The following COL18A1 variants were observed in gnomAD, a reference collection of about 807,000 sequenced individuals.
COL18A1 encodes the protein collagen alpha-1(XVIII) chain.
COL18A1 carries 133 observed loss-of-function variants against 168.0 expected under a neutral mutation model. That is an observed-to-expected ratio of 0.79 (90% confidence interval 0.69 to 0.91). The LOEUF (loss-of-function observed/expected upper bound fraction) is 0.91. Ranked by LOEUF, COL18A1 falls within the 40% of genes least tolerant of loss-of-function variation. COL18A1 has a pLI of 0.00. For synonymous variants in COL18A1, 949 were observed against 809.0 expected (o/e 1.17, Z -2.94); for missense variants, 2,126 against 1,925.4 (o/e 1.10, Z -1.95).
chr21:45,484,674 GTATC>G (rs1168221769), intron 15 of COL18A1, among the ~76,000 whole-genome samples: 2 of 151,244 alleles, frequency 1.3e-5, no homozygotes, highest in African/African-American at 2.4e-5. Flanking sequence ...ACACACACAT[GTATC>G]TAGGTATGTG....
At chr21:45,488,590 C>A in intron 18 of COL18A1, 146 bp downstream of exon 18, 4 of 1,157,996 alleles carry the variant, frequency 3.5e-6, no homozygotes, top group Admixed American at 4.0e-5. Flanking sequence ...CAAAATACAG[C>A]AAAAAAGCCT....
intron 37 of COL18A1, chr21:45,506,508 C>G (rs749176293): frequency 4.0e-5 from 8 of 200,756 alleles, no homozygotes; most frequent in Non-Finnish European, 2.1e-5. Flanking sequence ...CCCTTTCCTG[C>G]TTTCCCAAAA....
At chr21:45,412,641 G>A (rs943344776) in intron 2 of COL18A1, among the ~76,000 whole-genome samples, 1 of 152,288 alleles carries the variant, frequency 6.6e-6, no homozygotes, top group Admixed American at 6.5e-5. Context: ...AGGGGCCTGC[G>A]GCCCAGGCAC....
chr21:45,414,898 C>T (rs553675100), intron 2 of COL18A1, among the ~76,000 whole-genome samples: 14 of 152,200 alleles, frequency 9.2e-5, no homozygotes, highest in African/African-American at 1.9e-4. Flanking sequence ...AGGTGGGCCC[C>T]ACGTCATTAC....
chr21:45,432,923 G>A (rs947284421), intron 2 of COL18A1, among the ~76,000 whole-genome samples: 3 of 152,202 alleles, frequency 2.0e-5, no homozygotes, highest in Non-Finnish European at 4.4e-5. Flanking sequence ...CAACCCCTCC[G>A]GCAGAGTTAT....
At chr21:45,497,191 T>G in intron 31 of COL18A1, 99 bp downstream of exon 31, 1 of 838,050 alleles carries the variant, frequency 1.2e-6, no homozygotes, top group South Asian at 1.3e-5. Context: ...ACTCCCCCAG[T>G]GGCCCAAGGC....
chr21:45,493,760 C>T, intron 26 of COL18A1, 185 bp downstream of exon 26: 1 of 601,570 alleles, frequency 1.7e-6, no homozygotes, highest in Non-Finnish European at 2.9e-6. Context: ...GTTCCGCCGG[C>T]CCCTCGTCCT....
In COL18A1 at chr21:45,418,877, G is replaced by A. The variant is rs559431981; in HGVS notation, c.106+13404G>A. ...ATACACACCCTCTAGAGGGGCTTGT[G>A]TCATGTGGAACCAGCCAGACCCCCC... is the stretch of plus-strand genomic sequence containing the variant. On this transcript the variant is annotated intron_variant, in intron 2 of 41. Transcript: ENST00000651438. Among the ~76,000 whole-genome samples, 301 of 152,332 alleles carry A rather than the reference G, an allele frequency of 2.0e-3. 1 individual carries two copies. Among genetic ancestry groups the A allele is most frequent in the African/African-American group, 6.8e-3 (281 of 41,562 alleles).
chr21:45,505,284 T>G lies in COL18A1; in HGVS notation c.3013+6T>G, dbSNP rs1167586883. 2 of 1,607,246 alleles carry G rather than the reference T, an allele frequency of 1.2e-6. No homozygotes were observed. Among genetic ancestry groups the G allele is most frequent in the African/African-American group, 2.7e-5 (2 of 74,578 alleles). The stretch of plus-strand genomic sequence containing the variant: ...TCCTGGCCCTCACAGGCAGAGTAAG[T>G]CAGTGGGGAGTGGGCCCCGGGCAGA... On this transcript the variant is annotated splice_donor_region_variant and intron_variant, in intron 35 of 41. Coordinates refer to ENST00000651438, the MANE Select transcript of COL18A1 (RefSeq NM_001379500.1).
Position 45,480,132 on chromosome 21 carries a change from A to G in COL18A1, c.1374A>G (p.Gly458=). ...PGPQGPPGPP[G]PSFRHDKLTF... ...CCCAAGGGCCTCCAGGGCCCCCAGG[A>G]CCCTCCTTCAGACACGACAAGCTGG... Residue 458 remains glycine (G), a synonymous_variant, in exon 11 of 42, where the codon GGA becomes GGG. Coordinates refer to ENST00000651438, the MANE Select transcript of COL18A1 (RefSeq NM_001379500.1). The G allele has an allele frequency of 6.3e-7, 1 of 1,592,848 alleles. No homozygotes were observed. The highest frequency in any genetic ancestry group is 8.6e-7 in the Non-Finnish European group (1 of 1,161,884).
intron 3 of COL18A1, among the ~76,000 whole-genome samples, chr21:45,469,092 C>T (rs995551691): frequency 6.6e-6 from 1 of 152,206 alleles, no homozygotes; most frequent in Admixed American, 6.5e-5. Flanking sequence ...CCCCGAGGCC[C>T]AGCCCAGGAG....
chr21:45,447,277 T>C (rs976408757), intron 2 of COL18A1, among the ~76,000 whole-genome samples: 1 of 151,872 alleles, frequency 6.6e-6, no homozygotes, highest in Non-Finnish European at 1.5e-5. Context: ...CTAAAAAGTT[T>C]TTTATTGTTC....
At chr21:45,454,624 C>T (rs1330220525) in intron 2 of COL18A1, among the ~76,000 whole-genome samples, 1 of 152,230 alleles carries the variant, frequency 6.6e-6, no homozygotes, top group Non-Finnish European at 1.5e-5. Flanking sequence ...TTTTCTTCAT[C>T]TGTGAAATGG....
chr21:45,414,259 T>C (rs942336644), intron 2 of COL18A1, among the ~76,000 whole-genome samples: 4 of 152,190 alleles, frequency 2.6e-5, no homozygotes, highest in African/African-American at 9.7e-5. Flanking sequence ...CTCATCTGTT[T>C]TGGGTCCCCA....
Position 45,510,120 on chromosome 21 carries a change from G to T in COL18A1, c.3552G>T (p.Gly1184=). 1 of 1,598,518 alleles carries T rather than the reference G, an allele frequency of 6.3e-7. No individual in the cohort carries two copies. Residue 1184 remains glycine (G), a synonymous_variant, in exon 40 of 42, where the codon GGG becomes GGT. Transcript: ENST00000651438. ...CAGGCGGCATGCGGGGCATCCGCGG[G>T]GCCGACTTCCAGTGCTTCCAGCAGG... ...PLSGGMRGIR[G]ADFQCFQQAR...
intron 2 of COL18A1, chr21:45,456,946 G>C: frequency 7.9e-7 from 1 of 1,265,102 alleles, no homozygotes; most frequent in Non-Finnish European, 1.0e-6. Context: ...TGTGGGCGGG[G>C]CTGACGTGAG....
intron 1 of COL18A1, 55 bp from the exon 2 acceptor site, chr21:45,405,324 T>C (rs2033054186): frequency 1.1e-6 from 1 of 941,950 alleles, no homozygotes; most frequent in Non-Finnish European, 1.3e-6. Context: ...CTCGGCCGGG[T>C]CCTGCGGGGG....
chr21:45,442,545 C>T (rs900895973), intron 2 of COL18A1, among the ~76,000 whole-genome samples: 4 of 152,390 alleles, frequency 2.6e-5, no homozygotes, highest in East Asian at 1.9e-4. Context: ...GGCCGGACCC[C>T]TTCGGATGAG....
Position 45,472,193 on chromosome 21 carries a change from C to G in COL18A1, c.652-1702C>G, listed in dbSNP as rs114838846. 2.0e-5 allele frequency among the ~76,000 whole-genome samples: 3 copies of G among 151,484 alleles called. No homozygotes were observed. In the East Asian group the frequency reaches 5.8e-4, roughly 29 times the overall value. Reference sequence around the variant, plus strand: ...GACCACCCAAGATGCACCCCCCGCCCGGGCTGCCCCAGTGGAGAAGCGCAG... The same window carrying G: ...GACCACCCAAGATGCACCCCCCGCCGGGGCTGCCCCAGTGGAGAAGCGCAG... On this transcript the variant is annotated intron_variant, in intron 3 of 41. Transcript: ENST00000651438.
Sources: allele counts gnomAD v4.1 joint callset (sites outside exome capture counted in the v4.1 genomes callset), GRCh38; gene constraint gnomAD v4.1.1; transcripts MANE v1.5; gene names NCBI Gene and HGNC (gene_info 2026-07-23, HGNC 2026-07-21).